Variants in EPHB2 observed in about 807,000 individuals in gnomAD.
EPHB2 encodes the protein EPH receptor B2.
Under a neutral mutation model 96.4 loss-of-function variants are expected in EPHB2, and 18 were observed. The observed-to-expected ratio is 0.19, with a 90% CI of 0.13 to 0.28. EPHB2 has a LOEUF of 0.28. EPHB2 is among the 10% of genes least tolerant of loss of function. The pLI is 1.00. For synonymous variants in EPHB2, 506 were observed against 534.1 expected (o/e 0.95, Z 0.72); for missense variants, 989 against 1,355.4 (o/e 0.73, Z 4.25).
Position 22,897,236 on chromosome 1 carries a change from T to C in EPHB2, c.1765+758T>C, listed in dbSNP as rs367876480. Among the ~76,000 whole-genome samples, 227 of 152,306 alleles carry C rather than the reference T, an allele frequency of 1.5e-3. 2 individuals carry two copies. Among genetic ancestry groups the C allele is most frequent in the African/African-American group, 4.4e-3 (181 of 41,562 alleles). ...GTAGATCATAGATTCCTCTCTCCAC[T>C]TGACCTGGGCAGAACCAGTAATCAG... On this transcript the variant is annotated intron_variant, in intron 9 of 15. Coordinates refer to ENST00000374630, the MANE Select transcript of EPHB2 (RefSeq NM_017449.5).
At chr1:22,821,391 C>A (rs1645150249) in intron 3 of EPHB2, among the ~76,000 whole-genome samples, 1 of 152,148 alleles carries the variant, frequency 6.6e-6, no homozygotes, top group Non-Finnish European at 1.5e-5. Context: ...TGACTTCCAT[C>A]AGCATTATTC....
intron 3 of EPHB2, among the ~76,000 whole-genome samples, chr1:22,824,718 A>G (rs1171566997): frequency 6.6e-6 from 1 of 152,218 alleles, no homozygotes; most frequent in East Asian, 1.9e-4. Flanking sequence ...TTGGAGTGCG[A>G]TGGTTCCAGT....
chr1:22,806,457 C>G (rs1644926271), intron 3 of EPHB2, among the ~76,000 whole-genome samples: 1 of 151,388 alleles, frequency 6.6e-6, no homozygotes, highest in Non-Finnish European at 1.5e-5. Flanking sequence ...CTTGCTGAGT[C>G]AATGAGTGGA....
chr1:22,784,832 C>G lies in EPHB2; in HGVS notation c.567C>G (p.Ala189=). The G allele has an allele frequency of 2.5e-6, 4 of 1,604,500 alleles. No individual in the cohort carries two copies. Among genetic ancestry groups the G allele is most frequent in the Non-Finnish European group, 3.4e-6 (4 of 1,174,146 alleles). Residue 189 remains alanine (A), a synonymous_variant, in exon 3 of 16, where the codon GCC becomes GCG. Coordinates refer to ENST00000374630, the MANE Select transcript of EPHB2 (RefSeq NM_017449.5). This position sits in a 1 kb window ranked among gnomAD's most constrained non-coding sequence, Gnocchi z 5.1. Reference sequence around the variant, plus strand: ...ATGGCGGCTGCATGTCCCTCATCGCCGTGCGTGTCTTCTACCGCAAGTGCC... The same window carrying G: ...ATGGCGGCTGCATGTCCCTCATCGCGGTGCGTGTCTTCTACCGCAAGTGCC... ...QDYGGCMSLI[A]VRVFYRKCPR... is the part of the protein sequence containing the mutation.
At chr1:22,854,323 C>T (rs1246691609) in intron 3 of EPHB2, among the ~76,000 whole-genome samples, 8 of 152,050 alleles carry the variant, frequency 5.3e-5, no homozygotes, top group Non-Finnish European at 1.0e-4. Flanking sequence ...CCAGCCTGGA[C>T]GACATAATGA....
At chr1:22,777,400 A>C (rs1644467182) in intron 1 of EPHB2, among the ~76,000 whole-genome samples, 1 of 152,140 alleles carries the variant, frequency 6.6e-6, no homozygotes, top group Non-Finnish European at 1.5e-5. Flanking sequence ...CTGGCTCCTA[A>C]TAGGGTCTCA....
At chr1:22,789,986 GA>G (rs1644668534) in intron 3 of EPHB2, among the ~76,000 whole-genome samples, 1 of 152,146 alleles carries the variant, frequency 6.6e-6, no homozygotes, top group South Asian at 2.1e-4. Context: ...CCCAGGGAAC[GA>G]GGCAGAGTAT....
intron 9 of EPHB2, among the ~76,000 whole-genome samples, chr1:22,898,543 G>A (rs746469841): frequency 1.3e-5 from 2 of 152,228 alleles, no homozygotes; most frequent in Non-Finnish European, 2.9e-5. Flanking sequence ...ATCAGGCTCA[G>A]CAAAGCCTTG....
At chr1:22,829,412 G>T (rs533388177) in intron 3 of EPHB2, among the ~76,000 whole-genome samples, 2 of 152,356 alleles carry the variant, frequency 1.3e-5, no homozygotes, top group Admixed American at 6.5e-5. Context: ...CAGCCTGATG[G>T]GGTCGGCTCT....
intron 1 of EPHB2, among the ~76,000 whole-genome samples, chr1:22,760,887 G>A (rs1046109050): frequency 1.2e-4 from 18 of 152,130 alleles, no homozygotes; most frequent in African/African-American, 1.7e-4. Context: ...TCCTCCCGAC[G>A]AGCCTGCAAA....
At chr1:22,798,432 C>T (rs1644797904) in intron 3 of EPHB2, among the ~76,000 whole-genome samples, 1 of 152,038 alleles carries the variant, frequency 6.6e-6, no homozygotes, top group South Asian at 2.1e-4. Context: ...GAGCTAGAGG[C>T]CTTAGAGAGC....
At position 22,895,436 on chromosome 1, in the gene EPHB2, C is replaced by A. The variant is rs753385619; in HGVS notation, c.1592-36C>A. On this transcript the variant is annotated intron_variant, in intron 7 of 15. Transcript: ENST00000374630. Reference sequence around the variant, plus strand: ...GACAAGGGTATTACGACTCCCACAGCCAGGCTGAGAATGCCCTACCATGCT... The same window carrying A: ...GACAAGGGTATTACGACTCCCACAGACAGGCTGAGAATGCCCTACCATGCT... The A allele has an allele frequency of 2.5e-5, 40 of 1,604,272 alleles. 1 individual carries two copies. In the South Asian group the frequency reaches 4.1e-4, roughly 16 times the overall value.
At chr1:22,896,145 G>T (rs1013167779) in intron 8 of EPHB2, among the ~76,000 whole-genome samples, 1 of 152,230 alleles carries the variant, frequency 6.6e-6, no homozygotes, top group African/African-American at 2.4e-5. Flanking sequence ...AAGCCCCTGG[G>T]GTTTCTGGGG....
intron 3 of EPHB2, among the ~76,000 whole-genome samples, chr1:22,786,975 G>A (rs1644620746): frequency 6.6e-6 from 1 of 152,202 alleles, no homozygotes; most frequent in Non-Finnish European, 1.5e-5. Context: ...GTGGGTGGCA[G>A]AACAAGTGAA....
intron 12 of EPHB2, 22 bp downstream of exon 12, chr1:22,908,190 C>T (rs374703367): frequency 6.8e-6 from 11 of 1,613,582 alleles, no homozygotes; most frequent in Non-Finnish European, 9.3e-6. Flanking sequence ...GCAGGGAACA[C>T]CGGAGTCACA....
At chr1:22,748,387 T>C (rs553805069) in intron 1 of EPHB2, among the ~76,000 whole-genome samples, 6 of 151,584 alleles carry the variant, frequency 4.0e-5, no homozygotes, top group Admixed American at 3.3e-4. Flanking sequence ...CTTTTTTTTT[T>C]TTTCTTTTTT....
intron 1 of EPHB2, among the ~76,000 whole-genome samples, chr1:22,754,919 G>T: frequency 6.6e-6 from 1 of 151,808 alleles, no homozygotes; most frequent in African/African-American, 2.4e-5. Flanking sequence ...CGAGGGGCAG[G>T]GGAGGTGAGG....
At chr1:22,767,625 A>T (rs1644325241) in intron 1 of EPHB2, among the ~76,000 whole-genome samples, 1 of 152,158 alleles carries the variant, frequency 6.6e-6, no homozygotes, top group South Asian at 2.1e-4. Context: ...CTATGGTGAT[A>T]GAGATGCTAG....
intron 1 of EPHB2, among the ~76,000 whole-genome samples, chr1:22,718,168 G>A (rs1273907556): frequency 2.6e-5 from 4 of 152,080 alleles, no homozygotes; most frequent in African/African-American, 7.2e-5. Flanking sequence ...CAGGGCAAGG[G>A]TCTGACTGGC....
Sources: allele counts gnomAD v4.1 joint callset (sites outside exome capture counted in the v4.1 genomes callset), GRCh38; gene constraint gnomAD v4.1.1; non-coding constraint Gnocchi (gnomAD v3.1); transcripts MANE v1.5; gene names NCBI Gene and HGNC (gene_info 2026-07-23, HGNC 2026-07-21).